The following SHOC2 variants were observed in gnomAD, a reference collection of about 807,000 sequenced individuals.
SHOC2 encodes leucine-rich repeat protein SHOC-2.
A neutral mutation model predicts 50.2 loss-of-function variants in SHOC2; 4 were observed. That is an observed-to-expected ratio of 0.08 (90% CI 0.04 to 0.18). SHOC2 has a LOEUF of 0.18. SHOC2 is among the 10% of genes least tolerant of loss of function. The probability of loss-of-function intolerance (pLI) is 1.00; values close to 1 mark genes in which losing one functional copy is unlikely to be tolerated. For missense variants in SHOC2, 388 were observed against 669.6 expected, an observed-to-expected ratio of 0.58 and a Z score of 4.64; for synonymous variants, 218 against 244.5, an observed-to-expected ratio of 0.89 and a Z score of 1.01.
intron 2 of SHOC2, among the ~76,000 whole-genome samples, chr10:110,979,648 A>C (rs978895124): frequency 1.3e-5 from 2 of 152,220 alleles, no homozygotes; most frequent in African/African-American, 4.8e-5. Context: ...TGCAGATGTT[A>C]AATCCAGCTT....
Position 111,012,311 on chromosome 10 carries a change from A to G in SHOC2, c.*493A>G, listed in dbSNP as rs1439647217. On this transcript the variant is annotated 3_prime_UTR_variant, in exon 9 of 9. Transcript: ENST00000369452. Reference sequence around the variant, plus strand: ...TATGTATTGTTTACAGTCAGAGTAAATCACTGGATTTCTTTTGTTTGTTTT... The same window carrying G: ...TATGTATTGTTTACAGTCAGAGTAAGTCACTGGATTTCTTTTGTTTGTTTT... 1 of 162,202 alleles carries G rather than the reference A, an allele frequency of 6.2e-6. No individual in the cohort carries two copies. The highest frequency in any genetic ancestry group is 2.4e-5 in the African/African-American group (1 of 41,456). 10.0% of individuals were successfully genotyped at this position (162,202 alleles called of 1,614,324 possible).
intron 3 of SHOC2, among the ~76,000 whole-genome samples, chr10:110,990,597 A>G (rs1302117334): frequency 1.3e-5 from 2 of 152,078 alleles, no homozygotes; most frequent in African/African-American, 4.8e-5. Flanking sequence ...AAAACAGGCC[A>G]CTCGGCTCTA....
intron 1 of SHOC2, among the ~76,000 whole-genome samples, chr10:110,952,476 C>T (rs1847374735): frequency 6.6e-6 from 1 of 152,090 alleles, no homozygotes; most frequent in African/African-American, 2.4e-5. Flanking sequence ...TAGGGAATTG[C>T]TTTACTGCCC....
At chr10:110,998,251 G>A (rs11593479) in intron 3 of SHOC2, among the ~76,000 whole-genome samples, 1 of 151,848 alleles carries the variant, frequency 6.6e-6, no homozygotes, top group African/African-American at 2.4e-5. Context: ...CGCTTGCCTC[G>A]ACCTCCCAAA....
chr10:110,997,765 A>G (rs1249356455), intron 3 of SHOC2, among the ~76,000 whole-genome samples: 1 of 152,170 alleles, frequency 6.6e-6, no homozygotes, highest in Non-Finnish European at 1.5e-5. Context: ...CTTTATGGAT[A>G]AGGAACAGAC....
intron 1 of SHOC2, among the ~76,000 whole-genome samples, chr10:110,931,491 CTCTT>C (rs1026767555): frequency 1.7e-4 from 26 of 152,042 alleles, no homozygotes; most frequent in African/African-American, 3.9e-4. Flanking sequence ...GGTGGGAGAG[CTCTT>C]TCTTTTTATT....
intron 6 of SHOC2, 22 bp downstream of exon 6, chr10:111,007,675 G>C (rs1848495529): frequency 2.5e-6 from 4 of 1,611,936 alleles, no homozygotes; most frequent in Non-Finnish European, 3.4e-6. Context: ...TGAGCAATTA[G>C]AGAACTTCAG....
chr10:110,982,341 C>T (rs1847997094), intron 2 of SHOC2, among the ~76,000 whole-genome samples: 3 of 151,246 alleles, frequency 2.0e-5, no homozygotes, highest in African/African-American at 7.3e-5. Context: ...TTTATAGCAG[C>T]ATGATTTATA....
At chr10:110,970,769 A>T (rs535750978) in intron 2 of SHOC2, among the ~76,000 whole-genome samples, 1 of 149,312 alleles carries the variant, frequency 6.7e-6, no homozygotes, top group Non-Finnish European at 1.5e-5. Flanking sequence ...AGCCATTCCA[A>T]TAGGGTTGAG....
intron 2 of SHOC2, among the ~76,000 whole-genome samples, chr10:110,979,874 A>G (rs576312287): frequency 1.9e-5 from 1 of 53,446 alleles, no homozygotes; most frequent in Admixed American, 2.5e-4. Context: ...GTATCTTCGG[A>G]TCAGAGAATT....
chr10:111,012,075 C>T lies in SHOC2; in HGVS notation c.*257C>T. On this transcript the variant is annotated 3_prime_UTR_variant, in exon 9 of 9. Transcript: ENST00000369452. ...ATCTGATATGCCAGTTTGCTTAAAACATTTGCCAACACATTATGAAGTTAT... is the reference window on the plus strand; with the variant it reads ...ATCTGATATGCCAGTTTGCTTAAAATATTTGCCAACACATTATGAAGTTAT... 2.1e-6 allele frequency: 1 copy of T among 469,278 alleles called. No individual in the cohort carries two copies. The highest frequency in any genetic ancestry group is 2.4e-5 in the South Asian group (1 of 41,608). 29.1% of individuals were successfully genotyped at this position (469,278 alleles called of 1,614,324 possible).
intron 3 of SHOC2, among the ~76,000 whole-genome samples, chr10:110,988,117 T>A (rs1848115337): frequency 6.6e-6 from 1 of 152,250 alleles, no homozygotes; most frequent in Non-Finnish European, 1.5e-5. Flanking sequence ...AATTAAAAAG[T>A]TACATTCTGG....
intron 8 of SHOC2, among the ~76,000 whole-genome samples, chr10:111,010,070 T>TA (rs1298840031): frequency 6.6e-6 from 1 of 152,188 alleles, no homozygotes; most frequent in Non-Finnish European, 1.5e-5. Context: ...TTGGAATACT[T>TA]ACATTTCCAA....
intron 1 of SHOC2, among the ~76,000 whole-genome samples, chr10:110,934,239 G>T (rs917905960): frequency 1.3e-5 from 2 of 152,172 alleles, no homozygotes; most frequent in Non-Finnish European, 2.9e-5. Context: ...ATTAGTCCCT[G>T]TGGGTGAAGA....
intron 2 of SHOC2, among the ~76,000 whole-genome samples, chr10:110,985,384 T>A (rs1422862245): frequency 3.9e-5 from 6 of 152,112 alleles, no homozygotes; most frequent in Non-Finnish European, 5.9e-5. Context: ...GTTTCAGATT[T>A]GTGGTTGACT....
At chr10:110,997,728 CCT>C (rs1456238231) in intron 3 of SHOC2, among the ~76,000 whole-genome samples, 1 of 152,038 alleles carries the variant, frequency 6.6e-6, no homozygotes, top group Non-Finnish European at 1.5e-5. Context: ...CTAGAGCTAC[CCT>C]GTCAGGTATG....
intron 1 of SHOC2, among the ~76,000 whole-genome samples, chr10:110,930,726 C>T (rs918642741): frequency 2.1e-5 from 2 of 93,758 alleles, no homozygotes; most frequent in Non-Finnish European, 4.3e-5. Flanking sequence ...CAAATATTCA[C>T]GAGTAAATCT....
At position 111,009,352 on chromosome 10, in the gene SHOC2, G is replaced by T; in HGVS notation, c.1389G>T (p.Leu463Phe). The T allele has an allele frequency of 6.2e-7, 1 of 1,610,590 alleles. No individual in the cohort carries two copies. The highest frequency in any genetic ancestry group is 1.1e-5 in the South Asian group (1 of 90,986). Residue 463 changes from leucine to phenylalanine, a missense_variant, in exon 7 of 9, where the codon TTG (leucine) becomes TTT (phenylalanine). By Grantham distance (22) the Leu-to-Phe change is conservative (BLOSUM62 0). Around this residue, in one of 5 missense-constraint regions of SHOC2, gnomAD observed 130 missense variants for 208.6 expected, o/e 0.62. Transcript: ENST00000369452. ...TAGAAGAGAACAAATTGGAATCCTT[G>T]CCAAATGAAATTGCATATCTTAAGG... ...LDLEENKLES[L>F]PNEIAYLKDL...
chr10:110,919,521 G>A (rs1846555562), upstream of SHOC2: 1 of 387,698 alleles, frequency 2.6e-6, no homozygotes, highest in Non-Finnish European at 4.5e-6. Context: ...CGAGAGTAGT[G>A]GCGGGGCGGG....
Sources: gnomAD v4.1 joint callset for allele counts (sites outside exome capture counted in the v4.1 genomes callset) on GRCh38, gnomAD v4.1.1 for gene constraint, gnomAD v4.1.1 regional missense constraint, MANE v1.5 for transcripts, NCBI Gene and HGNC (gene_info 2026-07-23, HGNC 2026-07-21) for gene names.